DCAF13: variants seen among roughly 807,000 people sequenced by gnomAD.
DCAF13 encodes DDB1 and CUL4 associated factor 13.
A neutral mutation model predicts 59.0 loss-of-function variants in DCAF13; 38 were observed. The observed-to-expected ratio is 0.64, with a 90% CI of 0.50 to 0.84. The LOEUF (loss-of-function observed/expected upper bound fraction) is 0.84, where lower values mean the gene tolerates loss of function less well. DCAF13 is among the 40% of genes least tolerant of loss of function. The pLI is 0.00. For synonymous variants in DCAF13, 173 were observed against 175.0 expected (o/e 0.99, Z 0.09); for missense variants, 469 against 558.4 (o/e 0.84, Z 1.61).
At position 103,427,257 on chromosome 8, in the gene DCAF13, T is replaced by G. The variant is rs745462693; in HGVS notation, c.624+5T>G. The G allele has an allele frequency of 8.7e-6, 14 of 1,607,468 alleles. No individual in the cohort carries two copies. Among genetic ancestry groups the G allele is most frequent in the Non-Finnish European group, 1.1e-5 (13 of 1,176,374 alleles). ...GTTAAATTTAACCCAATTGAGGTAA[T>G]GTTTTTTTTTAAGTATGTTTTACTT... On this transcript the variant is annotated splice_donor_5th_base_variant and intron_variant, in intron 5 of 10. Transcript: ENST00000612750.
In DCAF13 at chr8:103,432,680, A is replaced by G; in HGVS notation, c.724A>G (p.Asn242Asp). 1 of 1,601,136 alleles carries G rather than the reference A, an allele frequency of 6.2e-7. No individual in the cohort carries two copies. The highest frequency in any genetic ancestry group is 1.1e-5 in the South Asian group (1 of 90,718). Residue 242 changes from asparagine to aspartate, a missense_variant, in exon 7 of 11, where the codon AAT (asparagine) becomes GAT (aspartate). Transcript: ENST00000612750. ...TCAGGTTATCTTAGATATGAGAACA[A>G]ATACAATCTGTTGGAACCCTATGGA... is the stretch of plus-strand genomic sequence containing the variant. ...LKKVILDMRT[N>D]TICWNPMEAF... is the part of the protein sequence containing the mutation.
chr8:103,429,621 C>A (rs1321636288), intron 5 of DCAF13: 1 of 151,994 alleles, frequency 6.6e-6, no homozygotes, highest in African/African-American at 2.4e-5. Flanking sequence ...AATTGACTTA[C>A]AAATAAAATA....
At chr8:103,427,289 G>A (rs749644909) in intron 5 of DCAF13, 37 bp downstream of exon 5, 1 of 1,546,024 alleles carries the variant, frequency 6.5e-7, no homozygotes, top group South Asian at 1.2e-5. Context: ...ACTTATTATG[G>A]CTTAATAATT....
intron 3 of DCAF13, among the ~76,000 whole-genome samples, chr8:103,425,064 A>G (rs1474273919): frequency 6.6e-6 from 1 of 152,198 alleles, no homozygotes; most frequent in Non-Finnish European, 1.5e-5. Flanking sequence ...ACTGTTTTGC[A>G]AGAAGCGTTT....
rs778728272 is a variant in DCAF13, at chr8:103,441,491, CA to C, written c.1124del (p.Gln375ArgfsTer3). 4 of 1,596,128 alleles carry C rather than the reference CA, an allele frequency of 2.5e-6. No homozygotes were observed. Among genetic ancestry groups the C allele is most frequent in the Non-Finnish European group, 3.4e-6 (4 of 1,175,612 alleles). On this transcript the variant is annotated frameshift_variant, in exon 10 of 11. Coordinates refer to ENST00000612750, the MANE Select transcript of DCAF13 (RefSeq NM_015420.7). LOFTEE classifies it high-confidence loss of function. ...AGAAAAAGCAGCCAAGGATTATAAC[CA>C]GAAATTGAAGGAGAAATTTCAGCAT... Reference protein sequence around the residue: ...SREKAAKDYNQKLKEKFQHYP... With the variant: ...SREKAAKDYNXKLKEKFQHYP...
At chr8:103,416,820 C>A (rs759805204) in intron 1 of DCAF13, among the ~76,000 whole-genome samples, 1 of 152,180 alleles carries the variant, frequency 6.6e-6, no homozygotes, top group East Asian at 1.9e-4. Flanking sequence ...TATAAAGATT[C>A]ATTTTTGCCT....
intron 6 of DCAF13, 38 bp downstream of exon 6, chr8:103,430,727 C>T (rs761806045): frequency 3.5e-6 from 5 of 1,442,114 alleles, no homozygotes; most frequent in Non-Finnish European, 9.6e-7. Context: ...ATACAGTTGG[C>T]ATTATATATT....
intron 5 of DCAF13, chr8:103,430,229 A>G (rs1816845083): frequency 6.5e-6 from 1 of 153,254 alleles, no homozygotes. Context: ...TGTCTCTTCT[A>G]AAAATACAAA....
Position 103,424,016 on chromosome 8 carries a change from C to T in DCAF13, c.379-2040C>T, listed in dbSNP as rs118074319. Among the ~76,000 whole-genome samples the T allele has an allele frequency of 5.1e-3, 772 of 151,538 alleles. 6 individuals are homozygous for T. The highest frequency in any genetic ancestry group is 0.01 in the Middle Eastern group (3 of 292). ...CCCACCTTATTGTTTCTCGGTTTTT[C>T]AAAAAGATTTTTTTTTTTTTGAGAT... On this transcript the variant is annotated intron_variant, in intron 3 of 10. Coordinates refer to ENST00000612750, the MANE Select transcript of DCAF13 (RefSeq NM_015420.7).
At chr8:103,417,997 G>A (rs3134250) in intron 1 of DCAF13, among the ~76,000 whole-genome samples, 33,487 of 151,556 alleles carry the variant, frequency 0.22, 3,806 homozygotes, top group East Asian at 0.34. Context: ...GCATGGTGGC[G>A]GGTGCCTGTA....
chr8:103,424,498 A>G (rs1245512550), intron 3 of DCAF13, among the ~76,000 whole-genome samples: 2 of 152,224 alleles, frequency 1.3e-5, no homozygotes, highest in Non-Finnish European at 2.9e-5. Context: ...AATACCAACA[A>G]TTCCTTCTTC....
chr8:103,442,630 A>C (rs1817026177), intron 10 of DCAF13, 165 bp from the exon 11 acceptor site: 1 of 476,088 alleles, frequency 2.1e-6, no homozygotes, highest in Non-Finnish European at 3.8e-6. Flanking sequence ...TAAATAAGTA[A>C]AGTTGATTTC....
chr8:103,436,528 T>C (rs1266963410), intron 8 of DCAF13, among the ~76,000 whole-genome samples: 1 of 152,148 alleles, frequency 6.6e-6, no homozygotes, highest in East Asian at 1.9e-4. Context: ...TTTTGTATAG[T>C]TTGGCCCTTT....
chr8:103,442,926 T>A lies in DCAF13; in HGVS notation c.*44T>A. On this transcript the variant is annotated 3_prime_UTR_variant, in exon 11 of 11. Coordinates refer to ENST00000612750, the MANE Select transcript of DCAF13 (RefSeq NM_015420.7). ...CTGATGTATAATTATTTGTTACTTT[T>A]GATTTGAGAACTCTACAAATAAAAG... The A allele has an allele frequency of 7.3e-7, 1 of 1,365,356 alleles. No homozygotes were observed. The highest frequency in any genetic ancestry group is 1.0e-6 in the Non-Finnish European group (1 of 985,986). 84.6% of individuals were successfully genotyped at this position (1,365,356 alleles called of 1,614,324 possible). A position where few individuals can be genotyped will look rare whatever the true frequency, so the allele number is the denominator to read the frequency against.
At chr8:103,441,403 C>T (rs1313489469) in intron 9 of DCAF13, 52 bp from the exon 10 acceptor site, 1 of 1,504,758 alleles carries the variant, frequency 6.6e-7, no homozygotes. Context: ...CTTTTTTATA[C>T]TGAAGCAAAA....
chr8:103,421,005 T>C lies in DCAF13; in HGVS notation c.301T>C (p.Cys101Arg), dbSNP rs748408774. 7 of 1,613,582 alleles carry C rather than the reference T, an allele frequency of 4.3e-6. No homozygotes were observed. Among genetic ancestry groups the C allele is most frequent in the Non-Finnish European group, 5.9e-6 (7 of 1,179,598 alleles). The part of the protein sequence containing the change: ...VRIWNLTQRN[C>R]IRTIQAHEGF... ...AATTTGGAATCTAACTCAGCGGAAT[T>C]GTATCCGTACAATACAAGCACATGA... is the stretch of plus-strand genomic sequence containing the variant. Residue 101 changes from cysteine (C) to arginine (R), a missense_variant, in exon 3 of 11, where the codon TGT becomes CGT. Cys to Arg is a radical substitution (Grantham distance 180, BLOSUM62 -3). This residue lies in a region of DCAF13 where 355 missense variants were observed against 399.1 expected (regional missense o/e 0.89). Transcript: ENST00000612750.
At chr8:103,435,566 A>C in intron 7 of DCAF13, 60 bp from the exon 8 acceptor site, 2 of 1,347,024 alleles carry the variant, frequency 1.5e-6, no homozygotes, top group Non-Finnish European at 2.0e-6. Context: ...GGTATCTTTT[A>C]GTACTGCATA....
chr8:103,425,318 T>C (rs1394437449), intron 3 of DCAF13, among the ~76,000 whole-genome samples: 1 of 152,226 alleles, frequency 6.6e-6, no homozygotes, highest in African/African-American at 2.4e-5. Context: ...CCTGATAGCT[T>C]AAACATGTCT....
chr8:103,415,457 A>C lies in DCAF13; in HGVS notation c.11A>C (p.Lys4Thr), dbSNP rs369798614. 2 of 1,614,040 alleles carry C rather than the reference A, an allele frequency of 1.2e-6. No individual in the cohort carries two copies. The highest frequency in any genetic ancestry group is 1.7e-6 in the Non-Finnish European group (2 of 1,179,960). The change falls in exon 1 of 11, where the codon AAG (lysine) becomes ACG (threonine). Residue 4 changes from lysine (K) to threonine (T), a missense_variant. Physicochemically the swap from Lys to Thr is moderately conservative, Grantham distance 78. Coordinates refer to ENST00000612750, the MANE Select transcript of DCAF13 (RefSeq NM_015420.7). The part of the protein sequence containing the change: MKV[K>T]MLSRNPDNYV... ...GGAAGAGCAACCGAGATGAAGGTGA[A>C]GATGCTGAGCCGGAATCCGGACAAT...
Sources: gnomAD v4.1 joint callset for allele counts (sites outside exome capture counted in the v4.1 genomes callset) on GRCh38, gnomAD v4.1.1 for gene constraint, gnomAD v4.1.1 regional missense constraint, MANE v1.5 for transcripts, NCBI Gene and HGNC (gene_info 2026-07-23, HGNC 2026-07-21) for gene names.